EPB41L3: variants seen among roughly 807,000 people sequenced by gnomAD.
EPB41L3 encodes band 4.1-like protein 3.
In EPB41L3, 57 loss-of-function variants were observed where a neutral mutation model predicts 127.1. The observed-to-expected ratio is 0.45, with a 90% CI of 0.36 to 0.56. The LOEUF (loss-of-function observed/expected upper bound fraction) is 0.56, where lower values mean the gene tolerates loss of function less well. EPB41L3 is among the 20% of genes least tolerant of loss of function. The pLI, the probability that EPB41L3 is intolerant of heterozygous loss-of-function variation, is 0.00. For missense variants in EPB41L3, 1,273 were observed against 1,372.2 expected (o/e 0.93, Z 1.14); for synonymous variants, 572 against 549.5 (o/e 1.04, Z -0.57).
intron 5 of EPB41L3, among the ~76,000 whole-genome samples, 154 bp from the exon 6 acceptor site, chr18:5,438,264 A>G (rs184677437): frequency 3.3e-5 from 5 of 152,346 alleles, no homozygotes; most frequent in African/African-American, 4.8e-5. Context: ...AAATCTACAG[A>G]TAAGTCTGAA....
chr18:5,476,291 G>C (rs1251049599), intron 3 of EPB41L3, among the ~76,000 whole-genome samples: 1 of 152,078 alleles, frequency 6.6e-6, no homozygotes, highest in African/African-American at 2.4e-5. Flanking sequence ...GAAAAAAGTT[G>C]CTCTTAAGAA....
intron 3 of EPB41L3, among the ~76,000 whole-genome samples, chr18:5,581,352 A>G (rs962024806): frequency 6.6e-6 from 1 of 152,188 alleles, no homozygotes; most frequent in Admixed American, 6.5e-5. Flanking sequence ...AATATAAGGT[A>G]CACCAGTGAG....
At position 5,543,315 on chromosome 18, in the gene EPB41L3, T is replaced by C. The variant is rs1281592683; in HGVS notation, c.-12+598A>G. On this transcript the variant is annotated intron_variant, in intron 1 of 22. Transcript: ENST00000341928. The surrounding 1 kb of genome is among the most constrained non-coding windows in gnomAD (Gnocchi z 5.2). ...GGGATGCTTTGTGCGGAGCGCACCT[T>C]ATCGGCCCCGCGCTGCGCCCGCCCG... 1 of 149,826 alleles carries C rather than the reference T, an allele frequency of 6.7e-6. No homozygotes were observed. The highest frequency in any genetic ancestry group is 1.5e-5 in the Non-Finnish European group (1 of 67,260). The allele number at this position is 149,826 out of a possible 1,614,324, so 9.3% of individuals were successfully genotyped here.
rs33919613 is a variant in EPB41L3 at position 5,493,574 on chromosome 18, G to GA, written c.-11-4381dup. Among the ~76,000 whole-genome samples, 535 of 150,206 alleles carry GA rather than the reference G, an allele frequency of 3.6e-3. 2 individuals are homozygous for GA. The highest frequency in any genetic ancestry group is 3.8e-3 in the Non-Finnish European group (257 of 67,434). Reference sequence around the variant, plus strand: ...TCTACTGAATTTTTTCTATTTGCATGAAAAAAAAATGCCCTAGTATCATCC... The same window carrying GA: ...TCTACTGAATTTTTTCTATTTGCATGAAAAAAAAAATGCCCTAGTATCATCC... On this transcript the variant is annotated intron_variant, in intron 1 of 22. Coordinates refer to ENST00000341928, the MANE Select transcript of EPB41L3 (RefSeq NM_012307.5).
rs1181198672 is a variant in EPB41L3 at position 5,395,119 on chromosome 18, C to T, written c.3101G>A (p.Arg1034Lys). ...KTVKGGISET[R>K]IEKRIVITGD... ...CGTGATGACTATTCGCTTCTCAATTCTTGTCTCTGAAATGCCCCCTTTCAC... is the reference window on the plus strand; with the variant it reads ...CGTGATGACTATTCGCTTCTCAATTTTTGTCTCTGAAATGCCCCCTTTCAC... Residue 1034 changes from arginine to lysine, a missense_variant, in exon 21 of 23, where the codon AGA becomes AAA. This residue lies in a region of EPB41L3 where 765 missense variants were observed against 782.9 expected (regional missense o/e 0.98). Coordinates refer to ENST00000341928, the MANE Select transcript of EPB41L3 (RefSeq NM_012307.5). The T allele has an allele frequency of 1.9e-6, 3 of 1,613,982 alleles. No homozygotes were observed. The highest frequency in any genetic ancestry group is 1.7e-6 in the Non-Finnish European group (2 of 1,180,014).
chr18:5,534,049 G>C (rs532329290), intron 1 of EPB41L3, among the ~76,000 whole-genome samples: 1 of 152,294 alleles, frequency 6.6e-6, no homozygotes, highest in East Asian at 1.9e-4. Flanking sequence ...TGTAGTCCCA[G>C]CTCCTTGGGA....
chr18:5,489,307 C>T, intron 1 of EPB41L3, 113 bp from the exon 2 acceptor site: 2 of 1,235,390 alleles, frequency 1.6e-6, no homozygotes, highest in Non-Finnish European at 1.1e-6. Context: ...GAGGGAGATG[C>T]TACCAAACCC....
rs1022676520 is a variant in EPB41L3 at position 5,560,999 on chromosome 18, A to T, written c.-306+51341T>A. On this transcript the variant is annotated intron_variant, in intron 3 of 21. Coordinates refer to the EPB41L3 transcript ENST00000545076. ...TATTTATTTATTTATTTATTTTGAGATGGAGTCTCGCTCTGTCGCCCAGGC... is the reference window on the plus strand; with the variant it reads ...TATTTATTTATTTATTTATTTTGAGTTGGAGTCTCGCTCTGTCGCCCAGGC... Among the ~76,000 whole-genome samples the T allele has an allele frequency of 7.5e-5, 9 of 120,566 alleles. 1 individual carries two copies. The East Asian group carries it at 2.0e-3, about 27-fold the overall frequency. 79.1% of individuals were successfully genotyped at this position (120,566 alleles called of 152,430 possible).
intron 3 of EPB41L3, among the ~76,000 whole-genome samples, chr18:5,474,082 T>A (rs902584318): frequency 6.6e-6 from 1 of 151,834 alleles, no homozygotes; most frequent in South Asian, 2.1e-4. Flanking sequence ...ATACAAAAAA[T>A]TAGCCGGGCG....
chr18:5,447,448 C>CTTTTTT (rs10694622), intron 3 of EPB41L3, among the ~76,000 whole-genome samples: 7 of 114,098 alleles, frequency 6.1e-5, no homozygotes, highest in Non-Finnish European at 1.0e-4. Flanking sequence ...AGCTAGACTA[C>CTTTTTT]TTTTTTTTTT....
rs1350949619 is a variant in EPB41L3 at position 5,423,443 on chromosome 18, C to T, written c.1274G>A (p.Arg425His). 9 of 1,613,622 alleles carry T rather than the reference C, an allele frequency of 5.6e-6. No homozygotes were observed. The highest frequency in any genetic ancestry group is 1.6e-4 in the Middle Eastern group (1 of 6,080). Reference protein sequence around the residue: ...QTRRASALIDRPAPYFERSSS... With the variant: ...QTRRASALIDHPAPYFERSSS... ...TGAGCGTTCAAAGTAAGGTGCTGGG[C>T]GATCTATCAACGCACTGGCTCTTCT... is the stretch of plus-strand genomic sequence containing the variant. The change falls in exon 11 of 23, where the codon CGC becomes CAC. Residue 425 changes from arginine to histidine, a missense_variant. Transcript: ENST00000341928.
chr18:5,478,893 A>G (rs2087806608), intron 2 of EPB41L3, among the ~76,000 whole-genome samples: 1 of 152,214 alleles, frequency 6.6e-6, no homozygotes, highest in Non-Finnish European at 1.5e-5. Flanking sequence ...AAACTCTAAG[A>G]CCTGGAGAGC....
At chr18:5,394,069 C>T (rs2072885564) in intron 22 of EPB41L3, 1 of 152,982 alleles carries the variant, frequency 6.5e-6, no homozygotes, top group Non-Finnish European at 1.5e-5. Context: ...CCTTCTGAGA[C>T]AGTGCTACGC....
intron 16 of EPB41L3, among the ~76,000 whole-genome samples, chr18:5,406,067 A>G (rs1009717331): frequency 1.6e-4 from 25 of 152,148 alleles, no homozygotes; most frequent in Admixed American, 5.9e-4. Context: ...CCCGGCCAAC[A>G]TGGCAAAACC....
intron 6 of EPB41L3, among the ~76,000 whole-genome samples, chr18:5,435,457 G>A (rs1012376891): frequency 6.6e-6 from 1 of 152,080 alleles, no homozygotes; most frequent in Non-Finnish European, 1.5e-5. Flanking sequence ...TTTATTGTAC[G>A]TTTTCTATGT....
At chr18:5,535,378 C>G (rs951446786) in intron 1 of EPB41L3, among the ~76,000 whole-genome samples, 31 of 152,284 alleles carry the variant, frequency 2.0e-4, no homozygotes, top group Non-Finnish European at 4.3e-4. Flanking sequence ...AAAAGTTTTC[C>G]AGACTTCTTG....
upstream of EPB41L3, among the ~76,000 whole-genome samples, chr18:5,629,740 C>T (rs2094969695): frequency 6.6e-6 from 1 of 152,168 alleles, no homozygotes; most frequent in Non-Finnish European, 1.5e-5. Context: ...TCCTGCCCTC[C>T]TCGCAAAGAA....
chr18:5,493,148 GACT>G (rs775989932), intron 1 of EPB41L3, among the ~76,000 whole-genome samples: 223 of 152,158 alleles, frequency 1.5e-3, no homozygotes, highest in South Asian at 2.7e-3. Flanking sequence ...CTAACTAAAT[GACT>G]GCTAAATTAG....
chr18:5,563,259 A>G (rs2094156718), intron 3 of EPB41L3, among the ~76,000 whole-genome samples: 1 of 152,150 alleles, frequency 6.6e-6, no homozygotes, highest in African/African-American at 2.4e-5. Flanking sequence ...ACATTGAGAT[A>G]AGTCCTTGAG....
Sources: allele counts gnomAD v4.1 joint callset (sites outside exome capture counted in the v4.1 genomes callset), GRCh38; gene constraint gnomAD v4.1.1; regional missense constraint gnomAD v4.1.1; non-coding constraint Gnocchi (gnomAD v3.1); transcripts MANE v1.5; gene names NCBI Gene and HGNC (gene_info 2026-07-23, HGNC 2026-07-21).